Variants in CADPS2 observed in about 807,000 individuals in gnomAD.
CADPS2 encodes calcium-dependent secretion activator 2.
In CADPS2, 93 loss-of-function variants were observed where a neutral mutation model predicts 172.5. That is an observed-to-expected ratio of 0.54 (90% CI 0.46 to 0.64). The LOEUF is 0.64. CADPS2 is among the 30% of genes least tolerant of loss of function. The pLI is 0.00. For missense variants in CADPS2, 1,420 were observed against 1,565.9 expected, an observed-to-expected ratio of 0.91 and a Z score of 1.57; for synonymous variants, 546 against 555.2, an observed-to-expected ratio of 0.98 and a Z score of 0.23.
chr7:122,582,673 T>C (rs546111263), intron 6 of CADPS2, among the ~76,000 whole-genome samples: 137 of 152,172 alleles, frequency 9.0e-4, no homozygotes, highest in African/African-American at 3.2e-3. Context: ...GCCTTGAATA[T>C]AGTCAGGCAA....
At chr7:122,700,607 T>C (rs900797581) in intron 2 of CADPS2, among the ~76,000 whole-genome samples, 4 of 152,152 alleles carry the variant, frequency 2.6e-5, no homozygotes, top group African/African-American at 9.7e-5. Flanking sequence ...TATATAGGTG[T>C]TTATTCATCT....
At chr7:122,528,894 A>G (rs2061507538) in intron 8 of CADPS2, among the ~76,000 whole-genome samples, 1 of 152,166 alleles carries the variant, frequency 6.6e-6, no homozygotes, top group Non-Finnish European at 1.5e-5. Context: ...ATATGTCCAA[A>G]ATGAACTACC....
intron 6 of CADPS2, among the ~76,000 whole-genome samples, chr7:122,600,845 A>AGAATGAGGC (rs1275050244): frequency 1.3e-5 from 2 of 152,232 alleles, no homozygotes; most frequent in African/African-American, 4.8e-5. Flanking sequence ...AGAGAACACG[A>AGAATGAGGC]GAATGAGGCA....
intron 15 of CADPS2, among the ~76,000 whole-genome samples, chr7:122,443,436 T>C (rs903472510): frequency 6.6e-6 from 1 of 152,158 alleles, no homozygotes; most frequent in Non-Finnish European, 1.5e-5. Flanking sequence ...AAACATTCAA[T>C]TATCAAATAA....
chr7:122,616,714 C>G (rs2074966307), intron 5 of CADPS2, among the ~76,000 whole-genome samples: 2 of 151,958 alleles, frequency 1.3e-5, no homozygotes, highest in South Asian at 4.1e-4. Flanking sequence ...CACAGCTGTT[C>G]TAATACTCAT....
chr7:122,573,413 A>G (rs73433784), intron 7 of CADPS2, among the ~76,000 whole-genome samples: 4,233 of 152,084 alleles, frequency 0.028, 72 homozygotes, highest in South Asian at 0.055. Flanking sequence ...AGTGGCATAC[A>G]ACAGTAGTCC....
At chr7:122,857,148 A>G (rs1815482600) in intron 1 of CADPS2, among the ~76,000 whole-genome samples, 1 of 152,192 alleles carries the variant, frequency 6.6e-6, no homozygotes, top group African/African-American at 2.4e-5. Context: ...AGCAAGATAC[A>G]AAATTGTTTT....
rs2091074853 is a variant in CADPS2, at chr7:122,726,282, C to A, written c.453+10673G>T. On this transcript the variant is annotated intron_variant, in intron 2 of 29. Coordinates refer to ENST00000449022, the MANE Select transcript of CADPS2 (RefSeq NM_017954.11). ...CCAATAAGTACTTTGATAATCAATA[C>A]AAAATTAAATTTTATAAACAAAACC... 2.6e-5 allele frequency among the ~76,000 whole-genome samples: 4 copies of A among 152,098 alleles called. No individual in the cohort carries two copies. In the South Asian group the frequency reaches 8.3e-4, roughly 32 times the overall value.
intron 1 of CADPS2, among the ~76,000 whole-genome samples, chr7:122,765,283 G>A (rs949349731): frequency 2.8e-4 from 43 of 152,084 alleles, no homozygotes; most frequent in African/African-American, 1.0e-3. Context: ...TTTTAAATTT[G>A]GCTATGGAGA....
chr7:122,826,493 T>C (rs1027453224), intron 1 of CADPS2, among the ~76,000 whole-genome samples: 2 of 152,138 alleles, frequency 1.3e-5, no homozygotes, highest in African/African-American at 4.8e-5. Flanking sequence ...AAATGTTAGA[T>C]TTATCTGACA....
chr7:122,401,716 T>C (rs1259213085), intron 20 of CADPS2, among the ~76,000 whole-genome samples: 5 of 152,166 alleles, frequency 3.3e-5, no homozygotes, highest in Admixed American at 1.3e-4. Context: ...ATTACCTCTT[T>C]AGTAGGGGAG....
chr7:122,360,737 T>A (rs1585254756), intron 27 of CADPS2, 51 bp downstream of exon 27: 1 of 1,504,342 alleles, frequency 6.6e-7, no homozygotes, highest in South Asian at 1.3e-5. Flanking sequence ...AACTGCAATT[T>A]TTTTTTAAAG....
chr7:122,878,956 C>A (rs911837725), intron 1 of CADPS2, among the ~76,000 whole-genome samples: 37 of 152,094 alleles, frequency 2.4e-4, no homozygotes, highest in African/African-American at 8.7e-4. Flanking sequence ...GGGCTGCAGG[C>A]CGGGCATCTT....
At chr7:122,735,006 A>G (rs547725100) in intron 2 of CADPS2, among the ~76,000 whole-genome samples, 1 of 152,236 alleles carries the variant, frequency 6.6e-6, no homozygotes, top group South Asian at 2.1e-4. Flanking sequence ...ATTTAATTCC[A>G]CTGGTTAGCA....
chr7:122,807,534 G>A (rs561899052), intron 1 of CADPS2, among the ~76,000 whole-genome samples: 582 of 152,252 alleles, frequency 3.8e-3, no homozygotes, highest in Non-Finnish European at 6.4e-3. Flanking sequence ...CTCGGGAGGC[G>A]GCTCCCCTTC....
At chr7:122,831,576 A>C (rs1046196541) in intron 1 of CADPS2, among the ~76,000 whole-genome samples, 1 of 152,228 alleles carries the variant, frequency 6.6e-6, no homozygotes, top group African/African-American at 2.4e-5. Flanking sequence ...GCTGTTTCAC[A>C]TTAAGTCCCT....
intron 1 of CADPS2, among the ~76,000 whole-genome samples, chr7:122,754,527 G>C (rs1483081083): frequency 6.6e-6 from 1 of 151,842 alleles, no homozygotes; most frequent in East Asian, 1.9e-4. Context: ...CCCAGACTGG[G>C]GTACAATAGC....
chr7:122,510,764 T>C (rs2059952045), intron 9 of CADPS2, among the ~76,000 whole-genome samples: 1 of 152,308 alleles, frequency 6.6e-6, no homozygotes, highest in African/African-American at 2.4e-5. Context: ...GAATCAGAGC[T>C]GCCTTTAAAA....
intron 1 of CADPS2, among the ~76,000 whole-genome samples, chr7:122,848,047 C>T (rs1480478342): frequency 6.6e-6 from 1 of 152,212 alleles, no homozygotes; most frequent in African/African-American, 2.4e-5. Flanking sequence ...CATTAGAACA[C>T]TCAACTCTTT....
Sources: allele counts gnomAD v4.1 joint callset (sites outside exome capture counted in the v4.1 genomes callset), GRCh38; gene constraint gnomAD v4.1.1; transcripts MANE v1.5; gene names NCBI Gene and HGNC (gene_info 2026-07-23, HGNC 2026-07-21).